Variants in PRKG1 observed in about 807,000 individuals in gnomAD.
The protein encoded by PRKG1 is cGMP-dependent protein kinase 1.
Under a neutral mutation model 88.1 loss-of-function variants are expected in PRKG1, and 35 were observed. That is an observed-to-expected ratio of 0.40 (90% CI 0.30 to 0.53). The LOEUF (loss-of-function observed/expected upper bound fraction) is 0.53. Ranked by LOEUF, PRKG1 falls within the 20% of genes least tolerant of loss-of-function variation. PRKG1 has a pLI of 0.59. For missense variants in PRKG1, 540 were observed against 839.8 expected (o/e 0.64, Z 4.41); for synonymous variants, 303 against 292.5 (o/e 1.04, Z -0.37).
At chr10:51,185,213 A>G (rs1000656294) in intron 2 of PRKG1, among the ~76,000 whole-genome samples, 3 of 152,186 alleles carry the variant, frequency 2.0e-5, no homozygotes, top group Non-Finnish European at 4.4e-5. Flanking sequence ...GACAATAAAA[A>G]TAGAAACTTC....
chr10:52,160,919 G>A (rs1838260669), intron 8 of PRKG1, among the ~76,000 whole-genome samples: 1 of 151,972 alleles, frequency 6.6e-6, no homozygotes, highest in African/African-American at 2.4e-5. Context: ...AACTATTAAA[G>A]TATTTGTTAT....
intron 2 of PRKG1, among the ~76,000 whole-genome samples, chr10:51,218,903 G>T (rs1308998057): frequency 1.3e-5 from 2 of 151,996 alleles, no homozygotes; most frequent in Non-Finnish European, 2.9e-5. Context: ...AGATAGCATA[G>T]CAGTCAGAAT....
chr10:51,951,946 T>C (rs1396662445), intron 5 of PRKG1, among the ~76,000 whole-genome samples: 1 of 152,192 alleles, frequency 6.6e-6, no homozygotes, highest in East Asian at 1.9e-4. Flanking sequence ...ATCAATATTA[T>C]ATGAAATTCA....
intron 5 of PRKG1, among the ~76,000 whole-genome samples, chr10:51,947,321 G>A (rs113056997): frequency 0.11 from 16,953 of 152,054 alleles, 1,193 homozygotes; most frequent in East Asian, 0.34. Context: ...TCAGAAAAGC[G>A]CAGTATTGGG....
At chr10:51,628,000 C>CCT (rs1839401180) in intron 3 of PRKG1, among the ~76,000 whole-genome samples, 1 of 45,902 alleles carries the variant, frequency 2.2e-5, no homozygotes, top group East Asian at 6.8e-4. Context: ...TTCTCTCTCT[C>CCT]TCTCTCTCTC....
chr10:51,746,760 GA>G (rs546432285), intron 3 of PRKG1, among the ~76,000 whole-genome samples: 15 of 147,582 alleles, frequency 1.0e-4, no homozygotes, highest in South Asian at 2.2e-4. Context: ...AGAAAAGAAA[GA>G]AAAAAAAAGA....
intron 1 of PRKG1, among the ~76,000 whole-genome samples, chr10:51,016,554 T>C (rs956171401): frequency 2.6e-5 from 4 of 152,034 alleles, no homozygotes; most frequent in African/African-American, 9.7e-5. Context: ...AGGCAATACT[T>C]TTGAGAAGTA....
At chr10:51,396,949 A>G (rs1248669016) in intron 2 of PRKG1, among the ~76,000 whole-genome samples, 5 of 152,176 alleles carry the variant, frequency 3.3e-5, no homozygotes, top group Non-Finnish European at 7.4e-5. Flanking sequence ...TCACTACAAA[A>G]TAAGTCCATG....
chr10:51,463,380 C>T (rs1235558550), intron 2 of PRKG1, among the ~76,000 whole-genome samples: 1 of 152,108 alleles, frequency 6.6e-6, no homozygotes, highest in Non-Finnish European at 1.5e-5. Flanking sequence ...TGCATTTTCC[C>T]TATTTGTTTT....
intron 3 of PRKG1, among the ~76,000 whole-genome samples, chr10:51,765,219 G>A (rs1015992437): frequency 1.3e-5 from 2 of 152,146 alleles, no homozygotes; most frequent in Non-Finnish European, 2.9e-5. Context: ...AGGGAAAAAA[G>A]AATGCTGAGG....
intron 1 of PRKG1, among the ~76,000 whole-genome samples, chr10:50,995,786 C>T (rs1842831098): frequency 6.6e-6 from 1 of 152,184 alleles, no homozygotes; most frequent in East Asian, 1.9e-4. Context: ...TAATCTGTTA[C>T]AGGAATAAAA....
chr10:51,253,690 A>C (rs1839482554), intron 2 of PRKG1, among the ~76,000 whole-genome samples: 1 of 151,888 alleles, frequency 6.6e-6, no homozygotes, highest in South Asian at 2.1e-4. Flanking sequence ...AGGCTTCAGA[A>C]CCATTGCTTC....
At chr10:52,107,447 G>A (rs11000798) in intron 7 of PRKG1, among the ~76,000 whole-genome samples, 28,459 of 151,972 alleles carry the variant, frequency 0.19, 3,304 homozygotes, top group South Asian at 0.3. Context: ...AGCATCTAAG[G>A]AATGACATTT....
At chr10:51,573,066 A>G (rs899634431) in intron 3 of PRKG1, among the ~76,000 whole-genome samples, 4 of 151,814 alleles carry the variant, frequency 2.6e-5, no homozygotes, top group African/African-American at 9.7e-5. Context: ...TTAAACTACA[A>G]TCTCTAAGAG....
chr10:52,286,513 T>G (rs776920612), intron 14 of PRKG1, among the ~76,000 whole-genome samples: 5 of 152,060 alleles, frequency 3.3e-5, no homozygotes, highest in Non-Finnish European at 5.9e-5. Flanking sequence ...AATTAGAACT[T>G]AGATCAAATA....
chr10:51,338,207 T>G (rs960858010), intron 2 of PRKG1, among the ~76,000 whole-genome samples: 1 of 152,078 alleles, frequency 6.6e-6, no homozygotes, highest in African/African-American at 2.4e-5. Flanking sequence ...CACTGGGGCC[T>G]GTTGGGCAGT....
intron 2 of PRKG1, among the ~76,000 whole-genome samples, chr10:51,301,653 C>T (rs553833534): frequency 3.3e-5 from 5 of 152,256 alleles, no homozygotes; most frequent in African/African-American, 9.6e-5. Flanking sequence ...GAGAGCCAGG[C>T]GAGGGATGGC....
intron 3 of PRKG1, among the ~76,000 whole-genome samples, chr10:51,749,506 T>C (rs1419937475): frequency 3.9e-5 from 6 of 152,094 alleles, no homozygotes; most frequent in Non-Finnish European, 8.8e-5. Context: ...ACCTATCAGA[T>C]TATGACCCCT....
intron 2 of PRKG1, among the ~76,000 whole-genome samples, chr10:51,361,592 C>T (rs1180778034): frequency 1.3e-5 from 2 of 151,844 alleles, no homozygotes; most frequent in African/African-American, 2.4e-5. Flanking sequence ...TTCTTCTTAG[C>T]ATCTCTGAAT....
Sources: gnomAD v4.1 joint callset for allele counts (sites outside exome capture counted in the v4.1 genomes callset) on GRCh38, gnomAD v4.1.1 for gene constraint, MANE v1.5 for transcripts, NCBI Gene and HGNC (gene_info 2026-07-23, HGNC 2026-07-21) for gene names.